RAPGEF1: variants seen among roughly 807,000 people sequenced by gnomAD.
The protein encoded by RAPGEF1 is Rap guanine nucleotide exchange factor 1.
In RAPGEF1, 33 loss-of-function variants were observed where a neutral mutation model predicts 143.3. The ratio of observed to expected loss-of-function variants is 0.23; its 90% CI spans 0.17 to 0.31. The LOEUF is 0.31. Among genes scored for constraint, RAPGEF1 ranks in the 10% least tolerant of loss-of-function variants. The pLI, the probability that RAPGEF1 is intolerant of heterozygous loss-of-function variation, is 1.00. For synonymous variants in RAPGEF1, 629 were observed against 676.5 expected (o/e 0.93, Z 1.09); for missense variants, 1,199 against 1,645.4 (o/e 0.73, Z 4.69).
At chr9:131,726,425 G>A (rs1836672540) in intron 1 of RAPGEF1, among the ~76,000 whole-genome samples, 2 of 152,022 alleles carry the variant, frequency 1.3e-5, no homozygotes, top group African/African-American at 2.4e-5. Context: ...CCATGCATTC[G>A]AGACCATCCT....
chr9:131,698,577 T>C (rs914596163), intron 1 of RAPGEF1, among the ~76,000 whole-genome samples: 1 of 152,226 alleles, frequency 6.6e-6, no homozygotes, highest in African/African-American at 2.4e-5. Flanking sequence ...CTTTGCACTC[T>C]CCTGTTAGAA....
At chr9:131,709,224 G>A (rs1835326317) in intron 1 of RAPGEF1, among the ~76,000 whole-genome samples, 1 of 152,176 alleles carries the variant, frequency 6.6e-6, no homozygotes, top group African/African-American at 2.4e-5. Flanking sequence ...GCGGGTGCCT[G>A]TAATCCTAGC....
At chr9:131,707,526 C>T (rs546208972) in intron 1 of RAPGEF1, among the ~76,000 whole-genome samples, 1 of 152,202 alleles carries the variant, frequency 6.6e-6, no homozygotes, top group South Asian at 2.1e-4. Flanking sequence ...CTACAACCTC[C>T]GCCTCCTGGG....
chr9:131,719,866 T>C (rs1463575981), intron 1 of RAPGEF1, among the ~76,000 whole-genome samples: 2 of 150,092 alleles, frequency 1.3e-5, no homozygotes, highest in Non-Finnish European at 3.0e-5. Flanking sequence ...CACAGCTATA[T>C]TTTCTTCTTT....
intron 1 of RAPGEF1, among the ~76,000 whole-genome samples, chr9:131,671,285 C>A (rs1286147728): frequency 6.6e-6 from 1 of 152,252 alleles, no homozygotes; most frequent in Non-Finnish European, 1.5e-5. Context: ...CAGCCTCCTG[C>A]CGTCTGTCTG....
chr9:131,704,642 C>T (rs1327231039), intron 1 of RAPGEF1, among the ~76,000 whole-genome samples: 1 of 152,126 alleles, frequency 6.6e-6, no homozygotes. Context: ...GCAATTACTG[C>T]TGCAATTTTT....
In RAPGEF1 at chr9:131,629,115, C is replaced by G; in HGVS notation, c.880G>C (p.Val294Leu). 6.2e-7 allele frequency: 1 copy of G among 1,613,700 alleles called. No individual in the cohort carries two copies. Among genetic ancestry groups the G allele is most frequent in the Non-Finnish European group, 8.5e-7 (1 of 1,179,732 alleles). Residue 294 changes from valine (V) to leucine (L), a missense_variant, in exon 7 of 27, where the codon GTG becomes CTG. Physicochemically the swap from Val to Leu is conservative, Grantham distance 32. Transcript: ENST00000683357. Reference protein sequence around the residue: ...PPKPPLPGIRVVDNSPPPALP... With the variant: ...PPKPPLPGIRLVDNSPPPALP... ...GAAGGTAATTACCTATTATCAACCA[C>G]CCGAATGCCAGGCAGAGGAGGCTTG...
Position 131,729,792 on chromosome 9 carries a change from C to T in RAPGEF1, c.61+9978G>A, listed in dbSNP as rs569824215. ...CAGAATTAATTAAATCACACACACA[C>T]GTCTGAAGGTAAAGCTCCTAGCATC... On this transcript the variant is annotated intron_variant, in intron 1 of 26. Transcript: ENST00000683357. Among the ~76,000 whole-genome samples, 89 of 152,332 alleles carry T rather than the reference C, an allele frequency of 5.8e-4. 1 individual carries two copies. The highest frequency in any genetic ancestry group is 1.7e-3 in the African/African-American group (71 of 41,570).
chr9:131,656,117 G>C (rs1349963350), intron 1 of RAPGEF1, among the ~76,000 whole-genome samples: 1 of 152,184 alleles, frequency 6.6e-6, no homozygotes, highest in Non-Finnish European at 1.5e-5. Context: ...AACACAAGGA[G>C]CTTGGATGCA....
chr9:131,734,391 CA>C (rs1470020117), intron 1 of RAPGEF1, among the ~76,000 whole-genome samples: 1 of 152,198 alleles, frequency 6.6e-6, no homozygotes, highest in Non-Finnish European at 1.5e-5. Flanking sequence ...CTGAAAACCA[CA>C]GGAAATTGCA....
Position 131,578,142 on chromosome 9 carries a change from A to G in RAPGEF1, c.*1355T>C, listed in dbSNP as rs1484634743. 1 of 152,268 alleles carries G rather than the reference A, an allele frequency of 6.6e-6. No homozygotes were observed. Among genetic ancestry groups the G allele is most frequent in the African/African-American group, 2.4e-5 (1 of 41,462 alleles). The allele number at this position is 152,268 out of a possible 1,614,324, so 9.4% of individuals were successfully genotyped here. On this transcript the variant is annotated 3_prime_UTR_variant, in exon 27 of 27. Transcript: ENST00000683357. ...CGGAGGCATGGGCTGGGGCAGCACA[A>G]CTGGGTTCCCGCAGCGCCCTGCCTG...
Position 131,580,246 on chromosome 9 carries a change from G to A in RAPGEF1, c.3641+17C>T, listed in dbSNP as rs368880846. The A allele has an allele frequency of 7.1e-5, 115 of 1,613,168 alleles. No homozygotes were observed. The highest frequency in any genetic ancestry group is 9.4e-5 in the Non-Finnish European group (111 of 1,179,476). On this transcript the variant is annotated intron_variant, in intron 26 of 26. Coordinates refer to ENST00000683357, the MANE Select transcript of RAPGEF1 (RefSeq NM_001377935.1). ...GGGCTCAGCTCTGCCTGGTCCCCCCGGGGCAGTGGCACTCACGCCTGCTGG... is the reference window on the plus strand; with the variant it reads ...GGGCTCAGCTCTGCCTGGTCCCCCCAGGGCAGTGGCACTCACGCCTGCTGG...
rs921177128 is a variant in RAPGEF1 at position 131,578,139 on chromosome 9, A to G, written c.*1358T>C. On this transcript the variant is annotated 3_prime_UTR_variant, in exon 27 of 27. Transcript: ENST00000683357. ...ACCCGGAGGCATGGGCTGGGGCAGC[A>G]CAACTGGGTTCCCGCAGCGCCCTGC... The G allele has an allele frequency of 6.6e-6, 1 of 152,296 alleles. No homozygotes were observed. Among genetic ancestry groups the G allele is most frequent in the Non-Finnish European group, 1.5e-5 (1 of 68,088 alleles). The allele number at this position is 152,296 out of a possible 1,614,324, so 9.4% of individuals were successfully genotyped here.
rs557617279 is a variant in RAPGEF1, at chr9:131,715,279, G to A, written c.61+24491C>T. Among the ~76,000 whole-genome samples, 4 of 152,264 alleles carry A rather than the reference G, an allele frequency of 2.6e-5. 1 individual carries two copies. The highest frequency in any genetic ancestry group is 9.6e-5 in the African/African-American group (4 of 41,554). ...GTGATCAGTGCTAAATTCAGGGTGG[G>A]GGACGCATGTCTAGCAGGGCGACCT... On this transcript the variant is annotated intron_variant, in intron 1 of 26. Coordinates refer to ENST00000683357, the MANE Select transcript of RAPGEF1 (RefSeq NM_001377935.1).
chr9:131,650,841 G>A lies in RAPGEF1; in HGVS notation c.170C>T (p.Ser57Phe), dbSNP rs548185079. 81 of 1,614,008 alleles carry A rather than the reference G, an allele frequency of 5.0e-5. 1 individual carries two copies. The highest frequency in any genetic ancestry group is 3.5e-4 in the South Asian group (32 of 91,088). The change falls in exon 2 of 27, where the codon TCC (serine) becomes TTC (phenylalanine). Residue 57 changes from serine (S) to phenylalanine (F), a missense_variant. Ser to Phe is a radical substitution (Grantham distance 155). Around this residue, in one of 6 missense-constraint regions of RAPGEF1, gnomAD observed 613 missense variants for 710.9 expected, o/e 0.86. Transcript: ENST00000683357. This position sits in a 1 kb window ranked among gnomAD's most constrained non-coding sequence, Gnocchi z 4.7. ...CACAGGCTTCTCTGGAATCTTTACGGACACCTCAGCTGGTTTTCCCTTCTT... is the reference window on the plus strand; with the variant it reads ...CACAGGCTTCTCTGGAATCTTTACGAACACCTCAGCTGGTTTTCCCTTCTT... ...PSKKGKPAEV[S>F]VKIPEKPVNK...
In RAPGEF1 at chr9:131,668,305, G is replaced by A. The variant is rs757588864; in HGVS notation, c.62-17356C>T. Among the ~76,000 whole-genome samples the A allele has an allele frequency of 2.0e-4, 30 of 152,102 alleles. 1 individual carries two copies. The highest frequency in any genetic ancestry group is 2.6e-4 in the Non-Finnish European group (18 of 68,022). On this transcript the variant is annotated intron_variant, in intron 1 of 26. Transcript: ENST00000683357. ...CCAATCAAGTGGTTAAATCAGCAGCGGCTGTTTTTAAACTTCCTCTCAGAA... is the reference window on the plus strand; with the variant it reads ...CCAATCAAGTGGTTAAATCAGCAGCAGCTGTTTTTAAACTTCCTCTCAGAA...
chr9:131,602,443 C>T (rs141108295), intron 14 of RAPGEF1, among the ~76,000 whole-genome samples: 7 of 152,324 alleles, frequency 4.6e-5, no homozygotes, highest in Non-Finnish European at 1.0e-4. Context: ...AGCCACTCCC[C>T]CCGAGCACAG....
intron 1 of RAPGEF1, among the ~76,000 whole-genome samples, chr9:131,672,633 G>A (rs1462556727): frequency 6.6e-6 from 1 of 152,210 alleles, no homozygotes; most frequent in Non-Finnish European, 1.5e-5. Flanking sequence ...GGGAGGGGCT[G>A]ATGACTAGCC....
Position 131,628,988 on chromosome 9 carries a change from C to T in RAPGEF1, c.893+114G>A. 7.2e-7 allele frequency: 1 copy of T among 1,386,966 alleles called. No homozygotes were observed. Among genetic ancestry groups the T allele is most frequent in the Non-Finnish European group, 9.6e-7 (1 of 1,041,058 alleles). The allele number at this position is 1,386,966 out of a possible 1,614,324, so 85.9% of individuals were successfully genotyped here. A position where few individuals can be genotyped will look rare whatever the true frequency, so the allele number is the denominator to read the frequency against. ...GGGTGGGGACAGCTCCAGAGTCAGC[C>T]TCCCAAGGGGGGCCAAGCCCTCAGC... On this transcript the variant is annotated intron_variant, in intron 7 of 26. Transcript: ENST00000683357. The surrounding 1 kb of genome is among the most constrained non-coding windows in gnomAD (Gnocchi z 5.7).
Sources: allele counts gnomAD v4.1 joint callset (sites outside exome capture counted in the v4.1 genomes callset), GRCh38; gene constraint gnomAD v4.1.1; regional missense constraint gnomAD v4.1.1; non-coding constraint Gnocchi (gnomAD v3.1); transcripts MANE v1.5; gene names NCBI Gene and HGNC (gene_info 2026-07-23, HGNC 2026-07-21).